GSG1L: variants seen among roughly 807,000 people sequenced by gnomAD.
The protein encoded by GSG1L is GSG1 like.
In GSG1L, 24 loss-of-function variants were observed where a neutral mutation model predicts 42.1. The observed-to-expected ratio is 0.57, with a 90% CI of 0.41 to 0.80. The LOEUF is 0.80. GSG1L is among the 30% of genes least tolerant of loss of function. The pLI is 0.00. For synonymous variants in GSG1L, 215 were observed against 203.5 expected (o/e 1.06, Z -0.48); for missense variants, 445 against 472.2 (o/e 0.94, Z 0.53).
At chr16:27,902,011 G>T (rs576970545) in intron 2 of GSG1L, among the ~76,000 whole-genome samples, 3 of 152,286 alleles carry the variant, frequency 2.0e-5, no homozygotes, top group Non-Finnish European at 4.4e-5. Flanking sequence ...AGCCACCACT[G>T]CCGTCACACA....
At chr16:27,829,446 TG>T (rs2083252004) in intron 4 of GSG1L, among the ~76,000 whole-genome samples, 1 of 152,082 alleles carries the variant, frequency 6.6e-6, no homozygotes, top group South Asian at 2.1e-4. Flanking sequence ...GGGAAGGAGA[TG>T]GGGGCAGACA....
intron 1 of GSG1L, among the ~76,000 whole-genome samples, chr16:28,057,398 G>C (rs769150791): frequency 1.3e-5 from 2 of 152,118 alleles, no homozygotes; most frequent in African/African-American, 4.8e-5. Context: ...AGGGAAGGGC[G>C]GCAATTCGTG....
intron 1 of GSG1L, among the ~76,000 whole-genome samples, chr16:28,002,793 C>T (rs1490768437): frequency 6.6e-6 from 1 of 151,686 alleles, no homozygotes; most frequent in African/African-American, 2.4e-5. Context: ...AAAAATTAGC[C>T]AGGAGTGGTG....
At chr16:27,821,778 C>G (rs2140958454) in intron 5 of GSG1L, among the ~76,000 whole-genome samples, 1 of 152,102 alleles carries the variant, frequency 6.6e-6, no homozygotes, top group South Asian at 2.1e-4. Context: ...GTGGCGGGCA[C>G]CTGTAGTCCC....
At chr16:28,024,740 C>T (rs965484072) in intron 1 of GSG1L, among the ~76,000 whole-genome samples, 1 of 152,146 alleles carries the variant, frequency 6.6e-6, no homozygotes, top group South Asian at 2.1e-4. Flanking sequence ...CAGAACACAC[C>T]TCATAGTGCT....
At chr16:28,043,972 T>A (rs2086136949) in intron 1 of GSG1L, among the ~76,000 whole-genome samples, 1 of 151,348 alleles carries the variant, frequency 6.6e-6, no homozygotes, top group Non-Finnish European at 1.5e-5. Flanking sequence ...CAGTGAGCCA[T>A]GATTGTGCCA....
At chr16:27,827,722 C>T (rs1411783335) in intron 5 of GSG1L, among the ~76,000 whole-genome samples, 2 of 152,180 alleles carry the variant, frequency 1.3e-5, no homozygotes, top group Non-Finnish European at 2.9e-5. Flanking sequence ...AGCTTCTAAA[C>T]TCCTGAAATT....
At position 27,895,614 on chromosome 16, in the gene GSG1L, G is replaced by A. The variant is rs75277355; in HGVS notation, c.398-10976C>T. Among the ~76,000 whole-genome samples the A allele has an allele frequency of 3.7e-4, 56 of 152,268 alleles. 1 individual carries two copies. Among genetic ancestry groups the A allele is most frequent in the East Asian group, 3.3e-3 (17 of 5,182 alleles). On this transcript the variant is annotated intron_variant, in intron 2 of 6. Transcript: ENST00000447459. ...AAAAGGAAAGACATTCAGCTCAGAC[G>A]CCTGAATTGACTTTCTAAGCCAAGG...
chr16:27,859,468 T>G (rs2083616931), intron 3 of GSG1L, among the ~76,000 whole-genome samples: 1 of 152,168 alleles, frequency 6.6e-6, no homozygotes, highest in African/African-American at 2.4e-5. Context: ...TAAGCAGCTA[T>G]GAGATTGCCC....
At chr16:27,953,947 A>G (rs1261989221) in intron 2 of GSG1L, among the ~76,000 whole-genome samples, 1 of 152,230 alleles carries the variant, frequency 6.6e-6, no homozygotes, top group Non-Finnish European at 1.5e-5. Flanking sequence ...TTGAATTTGG[A>G]AAGAGTTGAG....
Position 27,828,775 on chromosome 16 carries a change from C to A in GSG1L, c.830+14G>T. 1 of 1,610,152 alleles carries A rather than the reference C, an allele frequency of 6.2e-7. No homozygotes were observed. Among genetic ancestry groups the A allele is most frequent in the Non-Finnish European group, 8.5e-7 (1 of 1,176,980 alleles). ...GTCCCCGTGGTGGCCAGAGGTAACC[C>A]CCTGTGCACTGACCTCTCCCGGAAG... On this transcript the variant is annotated intron_variant, in intron 5 of 6. Coordinates refer to ENST00000447459, the MANE Select transcript of GSG1L (RefSeq NM_001109763.2).
intron 6 of GSG1L, among the ~76,000 whole-genome samples, chr16:27,797,397 C>T (rs1383685802): frequency 6.6e-6 from 1 of 151,834 alleles, no homozygotes; most frequent in Admixed American, 6.6e-5. Flanking sequence ...GTAGCAGGTG[C>T]CTGTAATTCC....
chr16:27,869,060 C>T (rs1321082472), intron 3 of GSG1L, among the ~76,000 whole-genome samples: 2 of 152,172 alleles, frequency 1.3e-5, no homozygotes, highest in Non-Finnish European at 2.9e-5. Flanking sequence ...GATGTGAGTG[C>T]GACAGCCAGG....
intron 4 of GSG1L, among the ~76,000 whole-genome samples, chr16:27,835,754 A>G (rs1468091062): frequency 1.3e-5 from 2 of 152,130 alleles, no homozygotes; most frequent in African/African-American, 2.4e-5. Context: ...ACATTTGAGT[A>G]AAGCATAGAA....
At chr16:27,851,524 C>G (rs933806877) in intron 3 of GSG1L, among the ~76,000 whole-genome samples, 11 of 152,126 alleles carry the variant, frequency 7.2e-5, no homozygotes, top group South Asian at 2.1e-4. Context: ...GATTCACCCC[C>G]CTTCTCTCCA....
intron 1 of GSG1L, among the ~76,000 whole-genome samples, chr16:28,009,076 T>G (rs1687868187): frequency 3.9e-5 from 6 of 152,218 alleles, no homozygotes; most frequent in Admixed American, 3.9e-4. Flanking sequence ...CCCGAAGTAC[T>G]GGGATTACAG....
At chr16:27,950,449 GATTTAATCAC>G (rs2084938365) in intron 2 of GSG1L, among the ~76,000 whole-genome samples, 1 of 152,118 alleles carries the variant, frequency 6.6e-6, no homozygotes, top group Non-Finnish European at 1.5e-5. Context: ...CAGGCTTAGG[GATTTAATCAC>G]CTTTAATAAG....
At chr16:27,837,103 A>G (rs1443640736) in intron 4 of GSG1L, among the ~76,000 whole-genome samples, 1 of 152,208 alleles carries the variant, frequency 6.6e-6, no homozygotes, top group Non-Finnish European at 1.5e-5. Flanking sequence ...TAACTGACTC[A>G]GTTCAGCATG....
chr16:27,888,401 CTTCTTTCTTTCTTTCT>C lies in GSG1L; in HGVS notation c.398-3779_398-3764del, dbSNP rs768689001. ...GGTTCTTTCTTTCTTTTCTTTTCTC[CTTCTTTCTTTCTTTCT>C]TTCTTTCTTTCTTTCTTTCTTTCTT... On this transcript the variant is annotated intron_variant, in intron 2 of 6. Transcript: ENST00000447459. 2.7e-3 allele frequency among the ~76,000 whole-genome samples: 333 copies of C among 122,562 alleles called. 11 individuals carry two copies. The highest frequency in any genetic ancestry group is 0.012 in the Middle Eastern group (3 of 252). 80.4% of individuals were successfully genotyped at this position (122,562 alleles called of 152,430 possible).
Sources: allele counts gnomAD v4.1 joint callset (sites outside exome capture counted in the v4.1 genomes callset), GRCh38; gene constraint gnomAD v4.1.1; transcripts MANE v1.5; gene names NCBI Gene and HGNC (gene_info 2026-07-23, HGNC 2026-07-21).